MAN1A2: variants seen among roughly 807,000 people sequenced by gnomAD.
MAN1A2 encodes mannosyl-oligosaccharide 1,2-alpha-mannosidase IB.
MAN1A2 carries 26 observed loss-of-function variants against 75.7 expected under a neutral mutation model. The ratio of observed to expected loss-of-function variants is 0.34; its 90% CI spans 0.25 to 0.48. The LOEUF is 0.48. Among genes scored for constraint, MAN1A2 ranks in the 20% least tolerant of loss-of-function variants. The pLI, the probability that MAN1A2 is intolerant of heterozygous loss-of-function variation, is 0.99. For synonymous variants in MAN1A2, 247 were observed against 264.6 expected (o/e 0.93, Z 0.65); for missense variants, 562 against 775.5 (o/e 0.72, Z 3.27).
At chr1:117,383,563 C>T (rs575050514) in intron 1 of MAN1A2, among the ~76,000 whole-genome samples, 1 of 152,236 alleles carries the variant, frequency 6.6e-6, no homozygotes, top group East Asian at 1.9e-4. Context: ...TGGCAGAATT[C>T]ACCAGTAAAG....
intron 1 of MAN1A2, among the ~76,000 whole-genome samples, chr1:117,390,301 T>C (rs1054764153): frequency 3.9e-5 from 6 of 152,070 alleles, no homozygotes; most frequent in Non-Finnish European, 7.4e-5. Flanking sequence ...ATACATTCAG[T>C]TTCTTTAATA....
chr1:117,526,669 T>C lies in MAN1A2; in HGVS notation c.*3712T>C, dbSNP rs865937301. On this transcript the variant is annotated 3_prime_UTR_variant, in exon 13 of 13. Transcript: ENST00000356554. ...CATAATTCATGGGTAAAACTTGCAG[T>C]TGTAAATTGTGTCTGCTCTGGTATG... 6.6e-6 allele frequency: 1 copy of C among 151,274 alleles called. No homozygotes were observed. The highest frequency in any genetic ancestry group is 2.4e-5 in the African/African-American group (1 of 41,330). The allele number at this position is 151,274 out of a possible 1,614,324, so 9.4% of individuals were successfully genotyped here.
At chr1:117,411,613 C>T (rs1020200233) in intron 3 of MAN1A2, among the ~76,000 whole-genome samples, 5 of 151,658 alleles carry the variant, frequency 3.3e-5, no homozygotes, top group African/African-American at 1.2e-4. Flanking sequence ...CCAAAGACAT[C>T]AGGAAATTGG....
intron 5 of MAN1A2, among the ~76,000 whole-genome samples, chr1:117,429,690 G>T (rs1432492825): frequency 9.2e-6 from 1 of 108,402 alleles, no homozygotes; most frequent in Non-Finnish European, 2.0e-5. Context: ...TGGACGGGGT[G>T]GCTGGCCGGG....
At chr1:117,511,814 A>G (rs1651545826) in intron 12 of MAN1A2, among the ~76,000 whole-genome samples, 1 of 152,094 alleles carries the variant, frequency 6.6e-6, no homozygotes, top group African/African-American at 2.4e-5. Context: ...ATCTTCCAAC[A>G]TAGCACATAA....
At position 117,512,712 on chromosome 1, in the gene MAN1A2, G is replaced by A. The variant is rs78835117; in HGVS notation, c.1793+9742G>A. Among the ~76,000 whole-genome samples the A allele has an allele frequency of 3.9e-3, 574 of 146,438 alleles. 7 individuals are homozygous for A. The highest frequency in any genetic ancestry group is 0.014 in the African/African-American group (546 of 39,576). ...CTTTACATTTTTAAGTGCTTCCTAT[G>A]TCCTAATACAATGCAATCTAAATAT... On this transcript the variant is annotated intron_variant, in intron 12 of 12. Transcript: ENST00000356554.
intron 3 of MAN1A2, 74 bp downstream of exon 3, chr1:117,405,719 G>A (rs2101759154): frequency 2.3e-6 from 2 of 883,692 alleles, no homozygotes; most frequent in South Asian, 1.4e-5. Context: ...ACTTTTCAAA[G>A]TACTTTCTAA....
intron 6 of MAN1A2, among the ~76,000 whole-genome samples, chr1:117,450,237 T>C (rs1649361947): frequency 6.6e-6 from 1 of 152,214 alleles, no homozygotes. Context: ...TGTTATGTTT[T>C]AGCAAAGAGA....
intron 4 of MAN1A2, among the ~76,000 whole-genome samples, chr1:117,419,484 C>T (rs889885977): frequency 8.6e-5 from 13 of 151,926 alleles, no homozygotes; most frequent in African/African-American, 2.9e-4. Flanking sequence ...GAATGATGAT[C>T]GTGTTATCAA....
Position 117,367,985 on chromosome 1 carries a change from T to C in MAN1A2, c.-199T>C. 1.8e-6 allele frequency: 1 copy of C among 570,704 alleles called. No homozygotes were observed. The highest frequency in any genetic ancestry group is 2.3e-5 in the South Asian group (1 of 43,670). 35.4% of individuals were successfully genotyped at this position (570,704 alleles called of 1,614,324 possible). A position where few individuals can be genotyped will look rare whatever the true frequency, so the allele number is the denominator to read the frequency against. ...ATCGCAGGACCTAAACTTGTGATCG[T>C]TTGGGGGAGGTCACACACGTTTCTG... On this transcript the variant is annotated 5_prime_UTR_variant, in exon 1 of 13. Coordinates refer to ENST00000356554, the MANE Select transcript of MAN1A2 (RefSeq NM_006699.5).
chr1:117,397,774 C>T (rs895333618), intron 1 of MAN1A2, among the ~76,000 whole-genome samples: 5 of 151,374 alleles, frequency 3.3e-5, no homozygotes, highest in African/African-American at 1.2e-4. Flanking sequence ...GCCTCAGCCT[C>T]CTGAGTAGCT....
chr1:117,399,322 T>C (rs551473851), intron 1 of MAN1A2, among the ~76,000 whole-genome samples: 2 of 152,350 alleles, frequency 1.3e-5, no homozygotes, highest in African/African-American at 4.8e-5. Context: ...ACATGCCATT[T>C]AGCAATAACT....
At chr1:117,457,890 C>A (rs1649655128) in intron 6 of MAN1A2, among the ~76,000 whole-genome samples, 1 of 152,274 alleles carries the variant, frequency 6.6e-6, no homozygotes, top group Non-Finnish European at 1.5e-5. Flanking sequence ...CTTCCCCTTA[C>A]TTTCTGAACT....
chr1:117,428,822 A>G (rs1028903429), intron 5 of MAN1A2, among the ~76,000 whole-genome samples: 1 of 56,806 alleles, frequency 1.8e-5, no homozygotes, highest in East Asian at 6.2e-4. Flanking sequence ...TTATTTTTTT[A>G]TTGATAATTC....
At position 117,493,267 on chromosome 1, in the gene MAN1A2, T is replaced by C; in HGVS notation, c.1284+5T>C. On this transcript the variant is annotated splice_donor_5th_base_variant and intron_variant, in intron 9 of 12. Coordinates refer to ENST00000356554, the MANE Select transcript of MAN1A2 (RefSeq NM_006699.5). Reference sequence around the variant, plus strand: ...ATGTATGATGATGCTATTGAGGTGATTATTTCCAGAACATTTTTCTACTTA... The same window carrying C: ...ATGTATGATGATGCTATTGAGGTGACTATTTCCAGAACATTTTTCTACTTA... 6.4e-7 allele frequency: 1 copy of C among 1,564,512 alleles called. No homozygotes were observed. Among genetic ancestry groups the C allele is most frequent in the Non-Finnish European group, 8.8e-7 (1 of 1,135,800 alleles).
intron 8 of MAN1A2, among the ~76,000 whole-genome samples, chr1:117,489,528 G>C (rs1325843308): frequency 6.6e-6 from 1 of 151,900 alleles, no homozygotes; most frequent in African/African-American, 2.4e-5. Flanking sequence ...TATTTGTCAG[G>C]AGTCGTCGTT....
At chr1:117,490,732 A>G (rs1338031722) in intron 8 of MAN1A2, among the ~76,000 whole-genome samples, 1 of 152,130 alleles carries the variant, frequency 6.6e-6, no homozygotes, top group African/African-American at 2.4e-5. Context: ...AGCCTCTTGC[A>G]CCAGTTAGGC....
rs150053577 is a variant in MAN1A2, at chr1:117,443,995, A to G, written c.950+1670A>G. Among the ~76,000 whole-genome samples the G allele has an allele frequency of 3.9e-5, 6 of 152,094 alleles. No homozygotes were observed. The East Asian group carries it at 9.7e-4, about 25-fold the overall frequency. Reference sequence around the variant, plus strand: ...CCTTAGTCTTGATGACTGAAAGCCAACCCATCTTAATAATCTATCATATTT... The same window carrying G: ...CCTTAGTCTTGATGACTGAAAGCCAGCCCATCTTAATAATCTATCATATTT... On this transcript the variant is annotated intron_variant, in intron 6 of 12. Transcript: ENST00000356554.
At chr1:117,519,427 C>A (rs553391502) in intron 12 of MAN1A2, among the ~76,000 whole-genome samples, 1 of 151,962 alleles carries the variant, frequency 6.6e-6, no homozygotes, top group East Asian at 1.9e-4. Flanking sequence ...AATTGATAGA[C>A]CATTAGCAAG....
Sources: allele counts gnomAD v4.1 joint callset (sites outside exome capture counted in the v4.1 genomes callset), GRCh38; gene constraint gnomAD v4.1.1; transcripts MANE v1.5; gene names NCBI Gene and HGNC (gene_info 2026-07-23, HGNC 2026-07-21).